TOMM40: variants seen among roughly 807,000 people sequenced by gnomAD.
TOMM40 encodes the protein mitochondrial import receptor subunit TOM40 homolog.
In TOMM40, 9 loss-of-function variants were observed where a neutral mutation model predicts 38.4. That is an observed-to-expected ratio of 0.23 (90% CI 0.14 to 0.41). The LOEUF (loss-of-function observed/expected upper bound fraction) is 0.41, where lower values mean the gene tolerates loss of function less well. TOMM40 is among the 10% of genes least tolerant of loss of function. The probability of loss-of-function intolerance (pLI) is 1.00; values close to 1 mark genes in which losing one functional copy is unlikely to be tolerated. For synonymous variants in TOMM40, 184 were observed against 210.0 expected (o/e 0.88, Z 1.07); for missense variants, 299 against 486.5 (o/e 0.61, Z 3.63).
At chr19:44,897,820 G>A (rs149264378) in intron 5 of TOMM40, among the ~76,000 whole-genome samples, 2 of 148,444 alleles carry the variant, frequency 1.3e-5, no homozygotes, top group African/African-American at 2.5e-5. Flanking sequence ...TGGGGGTCTC[G>A]CCATGTTGCC....
rs757268629 is a variant in TOMM40, at chr19:44,898,314, G to T, written c.644-2416G>T. Among the ~76,000 whole-genome samples the T allele has an allele frequency of 7.9e-5, 12 of 152,038 alleles. No individual in the cohort carries two copies. In the East Asian group the frequency reaches 2.3e-3, roughly 30 times the overall value. Reference sequence around the variant, plus strand: ...TCATCTTGGTCTGGGAAGCATCTTCGCACCTGCTTTGCTCTGTGCTGTCTC... The same window carrying T: ...TCATCTTGGTCTGGGAAGCATCTTCTCACCTGCTTTGCTCTGTGCTGTCTC... On this transcript the variant is annotated intron_variant, in intron 5 of 8. Transcript: ENST00000426677.
chr19:44,893,384 G>A (rs192436697), intron 3 of TOMM40, among the ~76,000 whole-genome samples: 1 of 152,344 alleles, frequency 6.6e-6, no homozygotes, highest in East Asian at 1.9e-4. Context: ...TATTAGGAAG[G>A]GCAAAACTGG....
rs747494340 is a variant in TOMM40, at chr19:44,900,730, G to A, written c.644G>A (p.Gly215Glu). The stretch of plus-strand genomic sequence containing the variant: ...AAACTGATCGTCATTTTGCCCACAG[G>A]AATCCTCGTAGCCCACTACCTCCAG... ...LGNPDVLVGSGILVAHYLQSI... is the reference protein window; with the variant it reads ...LGNPDVLVGSEILVAHYLQSI... The change falls in exon 6 of 9, where the codon GGA becomes GAA. Residue 215 changes from glycine to glutamate, a missense_variant and splice_region_variant. By Grantham distance (98) the Gly-to-Glu change is moderately conservative (BLOSUM62 -2). Coordinates refer to ENST00000426677, the MANE Select transcript of TOMM40 (RefSeq NM_001128917.2). The A allele has an allele frequency of 6.2e-7, 1 of 1,612,214 alleles. No homozygotes were observed. The highest frequency in any genetic ancestry group is 1.3e-5 in the African/African-American group (1 of 74,994).
At chr19:44,897,294 C>G (rs184197087) in intron 5 of TOMM40, among the ~76,000 whole-genome samples, 4 of 152,116 alleles carry the variant, frequency 2.6e-5, no homozygotes, top group African/African-American at 9.7e-5. Flanking sequence ...GGCCTCAGTT[C>G]CAACAGTCCC....
intron 6 of TOMM40, 84 bp from the exon 7 acceptor site, chr19:44,900,944 C>T: frequency 6.2e-7 from 1 of 1,609,152 alleles, no homozygotes; most frequent in South Asian, 1.1e-5. Flanking sequence ...CCTGGACACT[C>T]AGGTCTGAGG....
rs535100789 is a variant in TOMM40 at position 44,891,284 on chromosome 19, G to C, written c.-132G>C. 3.6e-4 allele frequency: 427 copies of C among 1,177,644 alleles called. No individual in the cohort carries two copies. In the African/African-American group the frequency reaches 5.6e-3, roughly 15 times the overall value. 72.9% of individuals were successfully genotyped at this position (1,177,644 alleles called of 1,614,324 possible). A position where few individuals can be genotyped will look rare whatever the true frequency, so the allele number is the denominator to read the frequency against. ...GCGCGTGGCGCACGGGGTGGGAGCG[G>C]AGCCCAGGCCGGGAGCAGGCGCCGC... On this transcript the variant is annotated 5_prime_UTR_variant, in exon 1 of 9. Coordinates refer to ENST00000426677, the MANE Select transcript of TOMM40 (RefSeq NM_001128917.2).
At chr19:44,898,752 G>A (rs1221116641) in intron 5 of TOMM40, among the ~76,000 whole-genome samples, 3 of 151,636 alleles carry the variant, frequency 2.0e-5, no homozygotes, top group African/African-American at 4.8e-5. Flanking sequence ...TGGCCAGGCT[G>A]GTCTCGAACC....
Position 44,891,531 on chromosome 19 carries a change from C to T in TOMM40, c.116C>T (p.Pro39Leu). ...PPSPPGFTLP[P>L]LGGSLGAGTS... ...TCGCCGCCGGGCTTCACGCTGCCGCCGCTGGGAGGCAGCCTGGGCGCCGGC... is the reference window on the plus strand; with the variant it reads ...TCGCCGCCGGGCTTCACGCTGCCGCTGCTGGGAGGCAGCCTGGGCGCCGGC... The change falls in exon 1 of 9, where the codon CCG becomes CTG. Residue 39 changes from proline (P) to leucine (L), a missense_variant. Coordinates refer to ENST00000426677, the MANE Select transcript of TOMM40 (RefSeq NM_001128917.2). 3.5e-6 allele frequency: 5 copies of T among 1,411,660 alleles called. No individual in the cohort carries two copies. Among genetic ancestry groups the T allele is most frequent in the Non-Finnish European group, 4.6e-6 (5 of 1,080,006 alleles). 87.4% of individuals were successfully genotyped at this position (1,411,660 alleles called of 1,614,324 possible).
At position 44,903,315 on chromosome 19, in the gene TOMM40, C is replaced by G. The variant is rs1427606758; in HGVS notation, c.*146C>G. 5 of 827,654 alleles carry G rather than the reference C, an allele frequency of 6.0e-6. No homozygotes were observed. The Admixed American group carries it at 1.6e-4, about 27-fold the overall frequency. The allele number at this position is 827,654 out of a possible 1,614,324, so 51.3% of individuals were successfully genotyped here. ...CATTGGAAAGGAGGGACCCCGCCACCCCAGCAGCTGAGGAGGGGATTCTGG... is the reference window on the plus strand; with the variant it reads ...CATTGGAAAGGAGGGACCCCGCCACGCCAGCAGCTGAGGAGGGGATTCTGG... On this transcript the variant is annotated 3_prime_UTR_variant, in exon 9 of 9. Transcript: ENST00000426677.
rs544741841 is a variant in TOMM40, at chr19:44,895,906, G to A, written c.643+1840G>A. Among the ~76,000 whole-genome samples, 24 of 152,214 alleles carry A rather than the reference G, an allele frequency of 1.6e-4. No individual in the cohort carries two copies. The South Asian group carries it at 4.1e-3, about 26-fold the overall frequency. ...ACCGAGTTGGTTCTACCCCAGGACC[G>A]ACGCACACTCTGTCCCTGCTGCATG... is the stretch of plus-strand genomic sequence containing the variant. On this transcript the variant is annotated intron_variant, in intron 5 of 8. Coordinates refer to ENST00000426677, the MANE Select transcript of TOMM40 (RefSeq NM_001128917.2).
At chr19:44,894,196 C>G in intron 5 of TOMM40, 130 bp downstream of exon 5, 1 of 622,096 alleles carries the variant, frequency 1.6e-6, no homozygotes, top group Non-Finnish European at 2.7e-6. Flanking sequence ...TTTGAAACAT[C>G]AGGCAACATA....
At chr19:44,900,600 AAG>A in intron 5 of TOMM40, 128 bp from the exon 6 acceptor site, 4 of 1,556,752 alleles carry the variant, frequency 2.6e-6, no homozygotes, top group Non-Finnish European at 3.5e-6. Context: ...GGTTAGGAGA[AAG>A]GAGCCCTTGA....
At chr19:44,895,391 G>A (rs185432524) in intron 5 of TOMM40, among the ~76,000 whole-genome samples, 15 of 152,248 alleles carry the variant, frequency 9.9e-5, no homozygotes, top group Admixed American at 3.9e-4. Flanking sequence ...AGGGAAGCTG[G>A]AGGTGCAGCA....
intron 3 of TOMM40, 67 bp from the exon 4 acceptor site, chr19:44,893,713 C>A: frequency 1.5e-6 from 2 of 1,369,474 alleles, no homozygotes; most frequent in Non-Finnish European, 1.0e-6. Flanking sequence ...GGCTTCTCAC[C>A]CCGGCCCATC....
At chr19:44,897,953 G>A (rs754875509) in intron 5 of TOMM40, among the ~76,000 whole-genome samples, 11 of 152,184 alleles carry the variant, frequency 7.2e-5, no homozygotes, top group African/African-American at 2.6e-4. Flanking sequence ...ACCAGTGGGG[G>A]GTTCGGGGAT....
chr19:44,901,618 T>C (rs188458567), intron 8 of TOMM40: 3 of 547,360 alleles, frequency 5.5e-6, no homozygotes, highest in Non-Finnish European at 9.3e-6. Flanking sequence ...CGGGTGCCTA[T>C]AGTCCCAACT....
At position 44,895,851 on chromosome 19, in the gene TOMM40, A is replaced by G. The variant is rs1404221105; in HGVS notation, c.643+1785A>G. Among the ~76,000 whole-genome samples the G allele has an allele frequency of 2.0e-5, 3 of 152,096 alleles. No individual in the cohort carries two copies. In the East Asian group the frequency reaches 5.8e-4, roughly 29 times the overall value. ...TGTGAGCCACCGCGCCCGGCCGACC[A>G]TGCAAGCTTTTCTGACGGTTCCTGA... On this transcript the variant is annotated intron_variant, in intron 5 of 8. Coordinates refer to ENST00000426677, the MANE Select transcript of TOMM40 (RefSeq NM_001128917.2).
rs1326361509 is a variant in TOMM40, at chr19:44,891,512, C to T, written c.97C>T (p.Pro33Ser). ...VGLPPPPPSP[P>S]GFTLPPLGGS... ...GCTGCCGCCACCTCCGCCCTCGCCG[C>T]CGGGCTTCACGCTGCCGCCGCTGGG... The change falls in exon 1 of 9, where the codon CCG (proline) becomes TCG (serine). Residue 33 changes from proline (P) to serine (S), a missense_variant. Physicochemically the swap from Pro to Ser is moderately conservative, Grantham distance 74. Transcript: ENST00000426677. 4.3e-6 allele frequency: 6 copies of T among 1,400,970 alleles called. No homozygotes were observed. The highest frequency in any genetic ancestry group is 5.6e-6 in the Non-Finnish European group (6 of 1,076,240). The allele number at this position is 1,400,970 out of a possible 1,614,324, so 86.8% of individuals were successfully genotyped here. A position where few individuals can be genotyped will look rare whatever the true frequency, so the allele number is the denominator to read the frequency against.
At position 44,903,311 on chromosome 19, in the gene TOMM40, C is replaced by G. The variant is rs1261978011; in HGVS notation, c.*142C>G. On this transcript the variant is annotated 3_prime_UTR_variant, in exon 9 of 9. Coordinates refer to ENST00000426677, the MANE Select transcript of TOMM40 (RefSeq NM_001128917.2). ...GGGACATTGGAAAGGAGGGACCCCG[C>G]CACCCCAGCAGCTGAGGAGGGGATT... 3.5e-6 allele frequency: 3 copies of G among 858,814 alleles called. No individual in the cohort carries two copies. In the East Asian group the frequency reaches 8.8e-5, roughly 25 times the overall value. 53.2% of individuals were successfully genotyped at this position (858,814 alleles called of 1,614,324 possible).
Sources: gnomAD v4.1 joint callset for allele counts (sites outside exome capture counted in the v4.1 genomes callset) on GRCh38, gnomAD v4.1.1 for gene constraint, MANE v1.5 for transcripts, NCBI Gene and HGNC (gene_info 2026-07-23, HGNC 2026-07-21) for gene names.